Variants in NDUFS1 observed in about 807,000 individuals in gnomAD.
The protein encoded by NDUFS1 is NADH:ubiquinone oxidoreductase core subunit S1.
Under a neutral mutation model 84.4 loss-of-function variants are expected in NDUFS1, and 61 were observed. The observed-to-expected ratio is 0.72, with a 90% CI of 0.59 to 0.89. The LOEUF (loss-of-function observed/expected upper bound fraction) is 0.89, where lower values mean the gene tolerates loss of function less well. NDUFS1 is among the 40% of genes least tolerant of loss of function. The probability of loss-of-function intolerance (pLI) is 0.00; values close to 1 mark genes in which losing one functional copy is unlikely to be tolerated. For missense variants in NDUFS1, 891 were observed against 890.0 expected (o/e 1.00, Z -0.01); for synonymous variants, 275 against 290.0 (o/e 0.95, Z 0.53).
chr2:206,146,666 T>C (rs1202458930), intron 8 of NDUFS1, among the ~76,000 whole-genome samples: 1 of 152,176 alleles, frequency 6.6e-6, no homozygotes, highest in Non-Finnish European at 1.5e-5. Context: ...GAAGAACACA[T>C]GAAAAAAATA....
chr2:206,121,514 T>C lies in NDUFS1; in HGVS notation c.*2671A>G, dbSNP rs562212644. The C allele has an allele frequency of 4.0e-5, 6 of 151,706 alleles. No individual in the cohort carries two copies. The highest frequency in any genetic ancestry group is 4.8e-5 in the African/African-American group (2 of 41,248). 9.4% of individuals were successfully genotyped at this position (151,706 alleles called of 1,614,324 possible). On this transcript the variant is annotated 3_prime_UTR_variant, in exon 19 of 19. Coordinates refer to ENST00000233190, the MANE Select transcript of NDUFS1 (RefSeq NM_005006.7). ...CCCAGGCTGCAGTGCAATGGTGTGA[T>C]CTCGGCTTACCGCGACCTCCGCCTT...
Position 206,144,155 on chromosome 2 carries a change from T to C in NDUFS1, c.873-23A>G, listed in dbSNP as rs371233744. On this transcript the variant is annotated intron_variant, in intron 9 of 18. Coordinates refer to ENST00000233190, the MANE Select transcript of NDUFS1 (RefSeq NM_005006.7). ...AATCTAGAAAACAGAAATTACACCA[T>C]TGTGGAATCTTGCTAAAGAAGTAAC... 6.9e-5 allele frequency: 105 copies of C among 1,520,414 alleles called. No homozygotes were observed. The Admixed American group carries it at 1.6e-3, about 23-fold the overall frequency. 94.2% of individuals were successfully genotyped at this position (1,520,414 alleles called of 1,614,324 possible). A position where few individuals can be genotyped will look rare whatever the true frequency, so the allele number is the denominator to read the frequency against.
rs373206533 is a variant in NDUFS1 at position 206,124,174 on chromosome 2, T to C, written c.*11A>G. On this transcript the variant is annotated 3_prime_UTR_variant, in exon 19 of 19. Coordinates refer to ENST00000233190, the MANE Select transcript of NDUFS1 (RefSeq NM_005006.7). The stretch of plus-strand genomic sequence containing the variant: ...ATTATCTGCGGCAAAACTGGGATCC[T>C]AGTAGAAGCTTCAGCATATGGATGG... The C allele has an allele frequency of 4.1e-5, 64 of 1,574,060 alleles. No homozygotes were observed. Among genetic ancestry groups the C allele is most frequent in the Non-Finnish European group, 5.4e-5 (62 of 1,143,664 alleles).
At chr2:206,131,082 G>C (rs562219654) in intron 14 of NDUFS1, among the ~76,000 whole-genome samples, 9 of 152,218 alleles carry the variant, frequency 5.9e-5, no homozygotes, top group African/African-American at 1.9e-4. Flanking sequence ...TGAATAGCAG[G>C]GTTGTTGTTT....
At position 206,123,939 on chromosome 2, in the gene NDUFS1, A is replaced by G. The variant is rs1186525021; in HGVS notation, c.*246T>C. On this transcript the variant is annotated 3_prime_UTR_variant, in exon 19 of 19. Coordinates refer to ENST00000233190, the MANE Select transcript of NDUFS1 (RefSeq NM_005006.7). ...TAAGGATCTCTTTATGTTCGTCACA[A>G]AGGTTATCAATGCTTTTAAGAGCAT... 1 of 418,570 alleles carries G rather than the reference A, an allele frequency of 2.4e-6. No individual in the cohort carries two copies. Among genetic ancestry groups the G allele is most frequent in the Non-Finnish European group, 4.2e-6 (1 of 236,076 alleles). 25.9% of individuals were successfully genotyped at this position (418,570 alleles called of 1,614,324 possible).
intron 10 of NDUFS1, among the ~76,000 whole-genome samples, chr2:206,143,201 G>C (rs565650701): frequency 6.6e-6 from 1 of 152,104 alleles, no homozygotes; most frequent in Admixed American, 6.6e-5. Context: ...GCAGTGACCC[G>C]AGATCGAGAT....
rs1287506757 is a variant in NDUFS1, at chr2:206,121,787, C to T, written c.*2398G>A. 1 of 152,054 alleles carries T rather than the reference C, an allele frequency of 6.6e-6. No individual in the cohort carries two copies. Among genetic ancestry groups the T allele is most frequent in the East Asian group, 1.9e-4 (1 of 5,156 alleles). The allele number at this position is 152,054 out of a possible 1,614,324, so 9.4% of individuals were successfully genotyped here. On this transcript the variant is annotated 3_prime_UTR_variant, in exon 19 of 19. Coordinates refer to ENST00000233190, the MANE Select transcript of NDUFS1 (RefSeq NM_005006.7). ...ATTTTTTAGAGATTATGATTGTTCACCACAAGCTGCCTAGCAGGTAGCCCA... is the reference window on the plus strand; with the variant it reads ...ATTTTTTAGAGATTATGATTGTTCATCACAAGCTGCCTAGCAGGTAGCCCA...
At position 206,120,728 on chromosome 2, in the gene NDUFS1, G is replaced by C. The variant is rs1691071816; in HGVS notation, c.*3457C>G. The stretch of plus-strand genomic sequence containing the variant: ...TTAAAGTTGGAACATATTTAAAAGG[G>C]AAGCAGAGCGTAGAAGTTTGGAAAA... On this transcript the variant is annotated 3_prime_UTR_variant, in exon 19 of 19. Transcript: ENST00000233190. The C allele has an allele frequency of 6.6e-6, 1 of 152,242 alleles. No homozygotes were observed. 9.4% of individuals were successfully genotyped at this position (152,242 alleles called of 1,614,324 possible).
intron 12 of NDUFS1, among the ~76,000 whole-genome samples, chr2:206,140,386 C>T (rs528852643): frequency 3.9e-5 from 6 of 152,156 alleles, no homozygotes; most frequent in Non-Finnish European, 5.9e-5. Context: ...TGCCTGTATT[C>T]CCAGCTACTC....
intron 12 of NDUFS1, among the ~76,000 whole-genome samples, chr2:206,141,064 A>T (rs1691928119): frequency 6.6e-6 from 1 of 152,094 alleles, no homozygotes; most frequent in African/African-American, 2.4e-5. Flanking sequence ...ATTTCAAAAT[A>T]AAAAGCTAAT....
intron 5 of NDUFS1, 105 bp from the exon 6 acceptor site, chr2:206,147,939 A>G: frequency 9.7e-7 from 1 of 1,029,612 alleles, no homozygotes; most frequent in South Asian, 1.3e-5. Flanking sequence ...TTTTTTTGAG[A>G]TGGTGTCTCG....
intron 13 of NDUFS1, among the ~76,000 whole-genome samples, chr2:206,134,011 T>C (rs1419884522): frequency 6.6e-6 from 1 of 152,128 alleles, no homozygotes; most frequent in Non-Finnish European, 1.5e-5. Flanking sequence ...TGTAAAGTTA[T>C]AGAATACACG....
intron 13 of NDUFS1, among the ~76,000 whole-genome samples, chr2:206,133,960 C>G (rs904406533): frequency 3.9e-5 from 6 of 152,196 alleles, no homozygotes; most frequent in African/African-American, 1.4e-4. Flanking sequence ...GTCTGGGCAA[C>G]AGAGTGAGAC....
chr2:206,154,785 G>A (rs1219722037), intron 1 of NDUFS1, among the ~76,000 whole-genome samples: 3 of 151,854 alleles, frequency 2.0e-5, no homozygotes, highest in Non-Finnish European at 4.4e-5. Flanking sequence ...CACCACACCC[G>A]ACTAATTTTT....
At chr2:206,146,595 CTT>C (rs1404239625) in intron 8 of NDUFS1, among the ~76,000 whole-genome samples, 7 of 152,118 alleles carry the variant, frequency 4.6e-5, no homozygotes, top group African/African-American at 1.7e-4. Context: ...TAGTTGAAAA[CTT>C]AATAAACAAC....
At position 206,149,076 on chromosome 2, in the gene NDUFS1, C is replaced by T. The variant is rs1692269595; in HGVS notation, c.282G>A (p.Met94Ile). The change falls in exon 5 of 19, where the codon ATG (methionine) becomes ATA (isoleucine). Residue 94 changes from methionine to isoleucine, a missense_variant. Physicochemically the swap from Met to Ile is conservative, Grantham distance 10 (BLOSUM62 1). Transcript: ENST00000233190. ...GGATATTCCAACCCTTCATTACTGG[C>T]ATGGCACAAGCAGCTACAACCTGGG... ...KAPKVVAACA[M>I]PVMKGWNILT... is the part of the protein sequence containing the mutation. The T allele has an allele frequency of 1.9e-6, 3 of 1,612,206 alleles. No homozygotes were observed. The highest frequency in any genetic ancestry group is 2.5e-6 in the Non-Finnish European group (3 of 1,179,352).
intron 2 of NDUFS1, among the ~76,000 whole-genome samples, chr2:206,153,029 G>C (rs1692435604): frequency 6.6e-6 from 1 of 152,036 alleles, no homozygotes; most frequent in African/African-American, 2.4e-5. Flanking sequence ...TAATGTCACT[G>C]AAAATATGTT....
Position 206,121,852 on chromosome 2 carries a change from T to A in NDUFS1, c.*2333A>T, listed in dbSNP as rs956125583. 1.3e-5 allele frequency: 2 copies of A among 152,148 alleles called. No homozygotes were observed. Among genetic ancestry groups the A allele is most frequent in the Admixed American group, 1.3e-4 (2 of 15,264 alleles). 9.4% of individuals were successfully genotyped at this position (152,148 alleles called of 1,614,324 possible). ...ACTTAGCTATATAGCATCTTTTCTATCTGAATGCAGTATTCTCTTACCCAC... is the reference window on the plus strand; with the variant it reads ...ACTTAGCTATATAGCATCTTTTCTAACTGAATGCAGTATTCTCTTACCCAC... On this transcript the variant is annotated 3_prime_UTR_variant, in exon 19 of 19. Transcript: ENST00000233190.
At chr2:206,145,534 T>C (rs1173372718) in intron 8 of NDUFS1, among the ~76,000 whole-genome samples, 1 of 152,126 alleles carries the variant, frequency 6.6e-6, no homozygotes, top group Non-Finnish European at 1.5e-5. Flanking sequence ...TCTGGGACGA[T>C]TCAACAAGAG....
Sources: gnomAD v4.1 joint callset for allele counts (sites outside exome capture counted in the v4.1 genomes callset) on GRCh38, gnomAD v4.1.1 for gene constraint, MANE v1.5 for transcripts, NCBI Gene and HGNC (gene_info 2026-07-23, HGNC 2026-07-21) for gene names.